The following CAB39 variants were observed in gnomAD, a reference collection of about 807,000 sequenced individuals.
CAB39 encodes the protein calcium-binding protein 39.
In CAB39, 8 loss-of-function variants were observed where a neutral mutation model predicts 40.0. That is an observed-to-expected ratio of 0.20 (90% confidence interval 0.12 to 0.36). The LOEUF (loss-of-function observed/expected upper bound fraction) is 0.36, where lower values mean the gene tolerates loss of function less well. Among genes scored for constraint, CAB39 ranks in the 10% least tolerant of loss-of-function variants. CAB39 has a pLI of 1.00. For missense variants in CAB39, 270 were observed against 401.1 expected (o/e 0.67, Z 2.79); for synonymous variants, 156 against 141.6 (o/e 1.10, Z -0.72).
rs546086858 is a variant in CAB39 at position 230,812,197 on chromosome 2, C to T, written c.628-1852C>T. 3.9e-5 allele frequency among the ~76,000 whole-genome samples: 6 copies of T among 152,324 alleles called. No homozygotes were observed. In the East Asian group the frequency reaches 5.8e-4, roughly 15 times the overall value. Reference sequence around the variant, plus strand: ...AAAAGAAACGTAGCCTTTCCTAGCACTGGGACCTGAAACCGGTTTCTCTCC... The same window carrying T: ...AAAAGAAACGTAGCCTTTCCTAGCATTGGGACCTGAAACCGGTTTCTCTCC... On this transcript the variant is annotated intron_variant, in intron 6 of 8. Transcript: ENST00000258418.
chr2:230,746,041 A>G (rs1485901116), intron 1 of CAB39, among the ~76,000 whole-genome samples: 1 of 152,238 alleles, frequency 6.6e-6, no homozygotes, highest in Non-Finnish European at 1.5e-5. Flanking sequence ...GTCGGGATTT[A>G]ACAAAGTCAC....
intron 1 of CAB39, among the ~76,000 whole-genome samples, chr2:230,753,079 GA>G (rs528888261): frequency 3.7e-4 from 56 of 152,242 alleles, no homozygotes; most frequent in Non-Finnish European, 4.9e-4. Context: ...ATCAACATTG[GA>G]GTAGAGTCAT....
chr2:230,782,804 T>C (rs1161037921), intron 2 of CAB39, among the ~76,000 whole-genome samples: 1 of 124,046 alleles, frequency 8.1e-6, no homozygotes, highest in Non-Finnish European at 1.6e-5. Flanking sequence ...TTTCTTTCTT[T>C]CTTTCTTTCT....
rs114516614 is a variant in CAB39 at position 230,815,346 on chromosome 2, G to T, written c.693+1232G>T. On this transcript the variant is annotated intron_variant, in intron 7 of 8. Coordinates refer to ENST00000258418, the MANE Select transcript of CAB39 (RefSeq NM_016289.4). Reference sequence around the variant, plus strand: ...CATTTGCTGTCCTTTCATCTTTGGGGGGTTGGACAGAACTTCCTGGCAGCT... The same window carrying T: ...CATTTGCTGTCCTTTCATCTTTGGGTGGTTGGACAGAACTTCCTGGCAGCT... Among the ~76,000 whole-genome samples, 358 of 152,272 alleles carry T rather than the reference G, an allele frequency of 2.4e-3. 2 individuals are homozygous for T. Among genetic ancestry groups the T allele is most frequent in the African/African-American group, 8.4e-3 (348 of 41,540 alleles).
At chr2:230,762,530 T>C (rs1339210608) in intron 2 of CAB39, among the ~76,000 whole-genome samples, 1 of 152,202 alleles carries the variant, frequency 6.6e-6, no homozygotes, top group African/African-American at 2.4e-5. Context: ...CTAGAGGCAG[T>C]CGGGAGAGAG....
intron 5 of CAB39, 119 bp downstream of exon 5, chr2:230,799,016 C>T (rs930505129): frequency 1.5e-6 from 1 of 681,304 alleles, no homozygotes; most frequent in African/African-American, 1.8e-5. Context: ...GAGAAAGATA[C>T]ATTTTGTATA....
intron 2 of CAB39, 65 bp from the exon 3 acceptor site, chr2:230,790,807 G>T: frequency 2.2e-6 from 3 of 1,359,656 alleles, no homozygotes; most frequent in Non-Finnish European, 3.1e-6. Context: ...AAATTTTGAC[G>T]TGTTATATGT....
intron 1 of CAB39, among the ~76,000 whole-genome samples, chr2:230,725,968 CATT>C (rs1694562688): frequency 6.6e-6 from 1 of 152,108 alleles, no homozygotes; most frequent in South Asian, 2.1e-4. Context: ...AAGCTACATC[CATT>C]TATTTATTAA....
chr2:230,804,456 G>C (rs1282015274), intron 5 of CAB39, among the ~76,000 whole-genome samples: 1 of 152,122 alleles, frequency 6.6e-6, no homozygotes, highest in African/African-American at 2.4e-5. Context: ...GAGTGAACAG[G>C]CACCCTACAG....
intron 2 of CAB39, among the ~76,000 whole-genome samples, chr2:230,764,394 T>C (rs1002671198): frequency 1.3e-5 from 2 of 152,242 alleles, no homozygotes; most frequent in African/African-American, 4.8e-5. Context: ...TAAGCTGTGA[T>C]GTTCTGTGAG....
chr2:230,714,619 G>C (rs1440455880), intron 1 of CAB39, among the ~76,000 whole-genome samples: 1 of 152,188 alleles, frequency 6.6e-6, no homozygotes, highest in Non-Finnish European at 1.5e-5. Flanking sequence ...TGGCATTTGT[G>C]TAAAATAACA....
intron 2 of CAB39, among the ~76,000 whole-genome samples, chr2:230,788,489 A>C (rs1360716311): frequency 6.6e-6 from 1 of 152,168 alleles, no homozygotes; most frequent in Admixed American, 6.5e-5. Flanking sequence ...ATAAAAGGGA[A>C]AATTTTGTTT....
chr2:230,771,880 T>C (rs1437360098), intron 2 of CAB39, among the ~76,000 whole-genome samples: 1 of 152,208 alleles, frequency 6.6e-6, no homozygotes, highest in Non-Finnish European at 1.5e-5. Flanking sequence ...GTGCTGAAAC[T>C]ATTTAGTAGG....
In CAB39 at chr2:230,810,243, A is replaced by ATT; in HGVS notation, c.568-12_568-11dup. 10 of 1,263,408 alleles carry ATT rather than the reference A, an allele frequency of 7.9e-6. No homozygotes were observed. Among genetic ancestry groups the ATT allele is most frequent in the Admixed American group, 2.3e-5 (1 of 42,582 alleles). The allele number at this position is 1,263,408 out of a possible 1,614,324, so 78.3% of individuals were successfully genotyped here. On this transcript the variant is annotated intron_variant, in intron 5 of 8. Coordinates refer to ENST00000258418, the MANE Select transcript of CAB39 (RefSeq NM_016289.4). Reference sequence around the variant, plus strand: ...AAAACTTGGAGAACAACTGTAAACAATTTTTTTTTCTTTTTGTAGGATTTA... The same window carrying ATT: ...AAAACTTGGAGAACAACTGTAAACAATTTTTTTTTTTCTTTTTGTAGGATTTA...
rs982724409 is a variant in CAB39 at position 230,777,217 on chromosome 2, C to T, written c.115-13655C>T. On this transcript the variant is annotated intron_variant, in intron 2 of 8. Transcript: ENST00000258418. ...TATAAAGAAAAAAATTAAGTTTATCCTTAATTCAGTACCACGTGAAATGAC... is the reference window on the plus strand; with the variant it reads ...TATAAAGAAAAAAATTAAGTTTATCTTTAATTCAGTACCACGTGAAATGAC... Among the ~76,000 whole-genome samples the T allele has an allele frequency of 2.0e-5, 3 of 152,106 alleles. No individual in the cohort carries two copies. In the East Asian group the frequency reaches 5.8e-4, roughly 29 times the overall value.
chr2:230,760,030 A>T lies in CAB39; in HGVS notation c.29A>T (p.Lys10Ile), dbSNP rs371657461. Residue 10 changes from lysine to isoleucine, a missense_variant, in exon 2 of 9, where the codon AAA (lysine) becomes ATA (isoleucine). By Grantham distance (102) the Lys-to-Ile change is moderately radical. Coordinates refer to ENST00000258418, the MANE Select transcript of CAB39 (RefSeq NM_016289.4). MPFPFGKSHKSPADIVKNLK... is the reference protein window; with the variant it reads MPFPFGKSHISPADIVKNLK... Reference sequence around the variant, plus strand: ...CCGTTCCCGTTTGGGAAGTCTCACAAATCTCCAGCAGACATTGTGAAGAAT... The same window carrying T: ...CCGTTCCCGTTTGGGAAGTCTCACATATCTCCAGCAGACATTGTGAAGAAT... 1.2e-6 allele frequency: 2 copies of T among 1,613,510 alleles called. No individual in the cohort carries two copies. Among genetic ancestry groups the T allele is most frequent in the African/African-American group, 1.3e-5 (1 of 75,030 alleles).
intron 2 of CAB39, among the ~76,000 whole-genome samples, chr2:230,782,109 G>A (rs182295728): frequency 4.6e-5 from 7 of 152,182 alleles, no homozygotes; most frequent in African/African-American, 1.7e-4. Flanking sequence ...CAGGTGGTCC[G>A]CCCGGCTCGG....
At chr2:230,716,379 G>A (rs115033466) in intron 1 of CAB39, among the ~76,000 whole-genome samples, 595 of 152,208 alleles carry the variant, frequency 3.9e-3, no homozygotes, top group Non-Finnish European at 6.6e-3. Flanking sequence ...ACTTTCCCAA[G>A]AGCCTTTTTT....
chr2:230,806,111 A>T (rs1409549502), intron 5 of CAB39, among the ~76,000 whole-genome samples: 3 of 152,194 alleles, frequency 2.0e-5, no homozygotes, highest in Non-Finnish European at 2.9e-5. Flanking sequence ...ATAATAATAA[A>T]TACAAAATGA....
Sources: gnomAD v4.1 joint callset for allele counts (sites outside exome capture counted in the v4.1 genomes callset) on GRCh38, gnomAD v4.1.1 for gene constraint, MANE v1.5 for transcripts, NCBI Gene and HGNC (gene_info 2026-07-23, HGNC 2026-07-21) for gene names.